Variants in MAML3 observed in about 807,000 individuals in gnomAD.
The protein encoded by MAML3 is mastermind-like protein 3.
A neutral mutation model predicts 101.9 loss-of-function variants in MAML3; 27 were observed. That is an observed-to-expected ratio of 0.27 (90% CI 0.20 to 0.37). The LOEUF is 0.37. Among genes scored for constraint, MAML3 ranks in the 10% least tolerant of loss-of-function variants. MAML3 has a pLI of 1.00. For synonymous variants in MAML3, 501 were observed against 555.9 expected, an observed-to-expected ratio of 0.90 and a Z score of 1.39; for missense variants, 1,316 against 1,444.9, an observed-to-expected ratio of 0.91 and a Z score of 1.45.
At chr4:139,760,328 A>C (rs948426412) in intron 2 of MAML3, among the ~76,000 whole-genome samples, 2 of 152,236 alleles carry the variant, frequency 1.3e-5, no homozygotes, top group African/African-American at 2.4e-5. Context: ...CAGGTGAACA[A>C]GAAACCAGCT....
At chr4:139,880,574 T>C (rs1732198646) in intron 2 of MAML3, among the ~76,000 whole-genome samples, 1 of 152,178 alleles carries the variant, frequency 6.6e-6, no homozygotes, top group Non-Finnish European at 1.5e-5. Context: ...TACTCAATAG[T>C]TATAATCACA....
chr4:139,941,179 G>A (rs1437570358), intron 1 of MAML3, among the ~76,000 whole-genome samples: 1 of 152,090 alleles, frequency 6.6e-6, no homozygotes, highest in East Asian at 1.9e-4. Flanking sequence ...TACATTATTG[G>A]CAACACATAC....
intron 1 of MAML3, among the ~76,000 whole-genome samples, chr4:140,050,421 T>A (rs532656359): frequency 6.6e-6 from 1 of 152,314 alleles, no homozygotes; most frequent in Non-Finnish European, 1.5e-5. Flanking sequence ...AGGGCACAGA[T>A]GGGCCTCTGT....
At chr4:140,092,416 A>T (rs1024163315) in intron 1 of MAML3, among the ~76,000 whole-genome samples, 3 of 152,086 alleles carry the variant, frequency 2.0e-5, no homozygotes, top group Admixed American at 2.0e-4. Context: ...TCAAAGCAGC[A>T]TCAGATGAGA....
intron 1 of MAML3, among the ~76,000 whole-genome samples, chr4:139,910,669 C>CT (rs1454428740): frequency 6.6e-6 from 1 of 152,072 alleles, no homozygotes; most frequent in African/African-American, 2.4e-5. Flanking sequence ...TATAAGAAAT[C>CT]TTGTTGCAAG....
chr4:139,751,447 T>C (rs1027440917), intron 2 of MAML3, among the ~76,000 whole-genome samples: 1 of 152,240 alleles, frequency 6.6e-6, no homozygotes, highest in African/African-American at 2.4e-5. Context: ...TTACATACAA[T>C]ATTTTAAATA....
At chr4:139,936,434 GTAGTTC>G (rs1263459038) in intron 1 of MAML3, among the ~76,000 whole-genome samples, 3 of 152,100 alleles carry the variant, frequency 2.0e-5, no homozygotes, top group African/African-American at 7.2e-5. Context: ...GGATCACATG[GTAGTTC>G]TCTTTTTAAT....
chr4:139,805,000 G>A (rs1351279007), intron 2 of MAML3, among the ~76,000 whole-genome samples: 1 of 152,102 alleles, frequency 6.6e-6, no homozygotes, highest in Admixed American at 6.6e-5. Context: ...CCAACATGGC[G>A]AAAACCCATC....
intron 2 of MAML3, among the ~76,000 whole-genome samples, chr4:139,749,025 G>C (rs1319124521): frequency 1.3e-5 from 2 of 152,082 alleles, no homozygotes; most frequent in African/African-American, 2.4e-5. Flanking sequence ...CTTCCCATCT[G>C]GCCCCCCACA....
At chr4:140,076,844 G>GTTTTTGTT (rs1327640687) in intron 1 of MAML3, among the ~76,000 whole-genome samples, 2 of 152,042 alleles carry the variant, frequency 1.3e-5, no homozygotes, top group African/African-American at 4.8e-5. Flanking sequence ...ATCTTATCTC[G>GTTTTTGTT]TTTTTGTTTT....
intron 2 of MAML3, among the ~76,000 whole-genome samples, chr4:139,802,810 G>A (rs1730632136): frequency 6.6e-6 from 1 of 152,124 alleles, no homozygotes; most frequent in South Asian, 2.1e-4. Context: ...CTTCTTAACA[G>A]GACTGTTGAG....
chr4:139,881,807 T>C (rs978144868), intron 2 of MAML3, among the ~76,000 whole-genome samples: 1 of 152,210 alleles, frequency 6.6e-6, no homozygotes, highest in Admixed American at 6.5e-5. Context: ...GTTCAAGTGA[T>C]TCTCCTGCCT....
At chr4:139,843,153 A>C (rs1731391721) in intron 2 of MAML3, among the ~76,000 whole-genome samples, 1 of 152,002 alleles carries the variant, frequency 6.6e-6, no homozygotes, top group Admixed American at 6.6e-5. Flanking sequence ...GGTAAGACTA[A>C]ACTGATAACT....
chr4:139,970,401 G>C (rs1444129140), intron 1 of MAML3, among the ~76,000 whole-genome samples: 3 of 152,160 alleles, frequency 2.0e-5, no homozygotes, highest in African/African-American at 7.2e-5. Flanking sequence ...GAGGACTATG[G>C]TGACAGGGAG....
chr4:139,772,164 C>T (rs1016591658), intron 2 of MAML3, among the ~76,000 whole-genome samples: 64 of 132,486 alleles, frequency 4.8e-4, no homozygotes, highest in African/African-American at 1.8e-3. Context: ...GGCGTGAACC[C>T]GGGAGGCGCA....
chr4:139,741,828 C>A (rs1729174873), intron 2 of MAML3, among the ~76,000 whole-genome samples: 1 of 152,158 alleles, frequency 6.6e-6, no homozygotes, highest in Admixed American at 6.5e-5. Flanking sequence ...CTGTGTTTAT[C>A]TTGTGCACGG....
chr4:139,958,439 A>G (rs549754892), intron 1 of MAML3, among the ~76,000 whole-genome samples: 2 of 152,354 alleles, frequency 1.3e-5, no homozygotes, highest in Non-Finnish European at 2.9e-5. Context: ...ATAGTCTAGC[A>G]GGAAAGATGA....
chr4:139,760,637 T>C (rs1729736516), intron 2 of MAML3, among the ~76,000 whole-genome samples: 1 of 152,172 alleles, frequency 6.6e-6, no homozygotes, highest in Admixed American at 6.5e-5. Flanking sequence ...GACAAAGTGA[T>C]GAGGCTGTAA....
chr4:140,139,895 T>G (rs181786244), intron 1 of MAML3, among the ~76,000 whole-genome samples: 150 of 152,174 alleles, frequency 9.9e-4, no homozygotes, highest in Non-Finnish European at 1.6e-3. Flanking sequence ...AATAGAACCA[T>G]GAAATATTAG....
Sources: gnomAD v4.1 joint callset for allele counts (sites outside exome capture counted in the v4.1 genomes callset) on GRCh38, gnomAD v4.1.1 for gene constraint, MANE v1.5 for transcripts, NCBI Gene and HGNC (gene_info 2026-07-23, HGNC 2026-07-21) for gene names.